GZMH: variants seen among roughly 807,000 people sequenced by gnomAD.
GZMH encodes granzyme H.
In GZMH, 24 loss-of-function variants were observed where a neutral mutation model predicts 20.7. That is an observed-to-expected ratio of 1.16 (90% CI 0.84 to 1.63). The LOEUF (loss-of-function observed/expected upper bound fraction) is 1.63, where lower values mean the gene tolerates loss of function less well. Ranked by LOEUF, GZMH falls within the 40% of genes most tolerant of loss-of-function variation. The probability of loss-of-function intolerance (pLI) is 0.00; values close to 1 mark genes in which losing one functional copy is unlikely to be tolerated. For missense variants in GZMH, 344 were observed against 302.7 expected (o/e 1.14, Z -1.01); for synonymous variants, 119 against 116.1 (o/e 1.02, Z -0.16).
Position 24,607,701 on chromosome 14 carries a change from G to A in GZMH, c.250C>T (p.Arg84Trp), listed in dbSNP as rs200477141. 3.5e-5 allele frequency: 56 copies of A among 1,613,852 alleles called. No individual in the cohort carries two copies. The highest frequency in any genetic ancestry group is 4.4e-5 in the Non-Finnish European group (52 of 1,179,910). ...TTCACAGGGATAAACTGCTGGGTCCGCTCCTGTTCCTTGATATTGTGGGCC... is the reference window on the plus strand; with the variant it reads ...TTCACAGGGATAAACTGCTGGGTCCACTCCTGTTCCTTGATATTGTGGGCC... ...LGAHNIKEQE[R>W]TQQFIPVKRP... Residue 84 changes from arginine to tryptophan, a missense_variant, in exon 3 of 5, where the codon CGG (arginine) becomes TGG (tryptophan). Arg to Trp is a moderately radical substitution (Grantham distance 101). Transcript: ENST00000216338.
At chr14:24,607,117 T>C in intron 4 of GZMH, 32 bp downstream of exon 4, 1 of 1,595,526 alleles carries the variant, frequency 6.3e-7, no homozygotes, top group Non-Finnish European at 8.6e-7. Flanking sequence ...TCTCTCCCTG[T>C]GGTCTTTCTG....
rs151262490 is a variant in GZMH, at chr14:24,607,288, C to T, written c.458G>A (p.Ser153Asn). 362 of 1,614,088 alleles carry T rather than the reference C, an allele frequency of 2.2e-4. 3 individuals carry two copies. In the East Asian group the frequency reaches 6.7e-3, roughly 30 times the overall value. ...TTCCTGCAGTGTGGTTGCTAAAGTG[C>T]TCATTGAGACATAACCCCAGCCAGC... ...SVAGWGYVSM[S>N]TLATTLQEVL... is the part of the protein sequence containing the mutation. The change falls in exon 4 of 5, where the codon AGC (serine) becomes AAC (asparagine). Residue 153 changes from serine to asparagine, a missense_variant. Coordinates refer to ENST00000216338, the MANE Select transcript of GZMH (RefSeq NM_033423.5).
At chr14:24,609,034 A>G (rs1241998170) in intron 1 of GZMH, among the ~76,000 whole-genome samples, 2 of 152,254 alleles carry the variant, frequency 1.3e-5, no homozygotes, top group African/African-American at 4.8e-5. Flanking sequence ...AAGGAAGTGG[A>G]GAAATCAACT....
chr14:24,607,583 A>G, intron 3 of GZMH, 29 bp downstream of exon 3: 1 of 1,612,184 alleles, frequency 6.2e-7, no homozygotes, highest in Non-Finnish European at 8.5e-7. Flanking sequence ...TGGACCAAGA[A>G]GAGCAAGAGT....
At chr14:24,606,890 T>C in intron 4 of GZMH, 144 bp from the exon 5 acceptor site, 1 of 810,582 alleles carries the variant, frequency 1.2e-6, no homozygotes, top group Non-Finnish European at 2.0e-6. Flanking sequence ...CTGGCTGTGC[T>C]TTCTGGCTCT....
Position 24,608,283 on chromosome 14 carries a change from G to C in GZMH, c.185C>G (p.Ala62Gly), listed in dbSNP as rs755502470. The C allele has an allele frequency of 1.4e-5, 23 of 1,614,072 alleles. No homozygotes were observed. The highest frequency in any genetic ancestry group is 1.9e-5 in the Non-Finnish European group (22 of 1,180,012). Reference sequence around the variant, plus strand: ...TCCTTACCTTCCCTGGCAGTGAGCAGCTGTCAGCACAAAGTCCTTTCTCAC... The same window carrying C: ...TCCTTACCTTCCCTGGCAGTGAGCACCTGTCAGCACAAAGTCCTTTCTCAC... ...ILVRKDFVLT[A>G]AHCQGSSINV... is the part of the protein sequence containing the mutation. Residue 62 changes from alanine to glycine, a missense_variant, in exon 2 of 5, where the codon GCT (alanine) becomes GGT (glycine). Transcript: ENST00000216338.
At chr14:24,607,038 C>G in intron 4 of GZMH, 111 bp downstream of exon 4, 1 of 1,156,372 alleles carries the variant, frequency 8.6e-7, no homozygotes. Context: ...GGGACACAGG[C>G]TGCCCAAGCT....
Position 24,606,761 on chromosome 14 carries a change from A to G in GZMH, c.598-15T>C, listed in dbSNP as rs906642011. On this transcript the variant is annotated splice_polypyrimidine_tract_variant and intron_variant, in intron 4 of 4. Transcript: ENST00000216338. The stretch of plus-strand genomic sequence containing the variant: ...CCGGAGTCCCCCTGTGAACAGAGAG[A>G]GGAAAGACTGAGCTAGTGTTCCCTG... 6.2e-6 allele frequency: 10 copies of G among 1,610,350 alleles called. No homozygotes were observed. Among genetic ancestry groups the G allele is most frequent in the East Asian group, 2.2e-5 (1 of 44,876 alleles).
intron 2 of GZMH, 126 bp from the exon 3 acceptor site, chr14:24,607,873 G>A: frequency 7.3e-7 from 1 of 1,373,520 alleles, no homozygotes; most frequent in South Asian, 1.3e-5. Context: ...GGGACAGGAG[G>A]GCTCCAGGGC....
chr14:24,606,813 T>C (rs1227226532), intron 4 of GZMH, 67 bp from the exon 5 acceptor site: 4 of 1,454,080 alleles, frequency 2.8e-6, no homozygotes, highest in Non-Finnish European at 3.8e-6. Context: ...TTATGGATTT[T>C]GTGTGACATC....
Position 24,608,408 on chromosome 14 carries a change from C to T in GZMH, c.60G>A (p.Glu20=), listed in dbSNP as rs779993240. The T allele has an allele frequency of 2.5e-6, 4 of 1,613,818 alleles. No homozygotes were observed. The highest frequency in any genetic ancestry group is 3.4e-6 in the Non-Finnish European group (4 of 1,179,906). Residue 20 remains glutamate, a synonymous_variant, in exon 2 of 5, where the codon GAG becomes GAA. Transcript: ENST00000216338. ...GCTTGGCCTCATGGCCCCCGATGAT[C>T]TCCTCTGAAAGGAAAGACTGGAAGA... The part of the protein sequence containing the change: ...FLLTPGAGTE[E]IIGGHEAKPH...
At position 24,607,380 on chromosome 14, in the gene GZMH, T is replaced by C. The variant is rs763895238; in HGVS notation, c.366A>G (p.Thr122=). The change falls in exon 4 of 5, where the codon ACA becomes ACG. Residue 122 remains threonine, a synonymous_variant. Coordinates refer to ENST00000216338, the MANE Select transcript of GZMH (RefSeq NM_033423.5). ...TAGGTAGCCTGAGAGGCCGCACAGC[T>C]GTGGTCCACTTGGCCTTTCTCTCCA... is the stretch of plus-strand genomic sequence containing the variant. ...LQLERKAKWT[T]AVRPLRLPSS... 1.7e-5 allele frequency: 28 copies of C among 1,603,356 alleles called. No homozygotes were observed. The South Asian group carries it at 2.5e-4, about 15-fold the overall frequency.
At position 24,606,705 on chromosome 14, in the gene GZMH, T is replaced by C. The variant is rs1307981334; in HGVS notation, c.639A>G (p.Gln213=). 4.3e-6 allele frequency: 7 copies of C among 1,613,682 alleles called. No homozygotes were observed. In the Admixed American group the frequency reaches 1.0e-4, roughly 23 times the overall value. The change falls in exon 5 of 5, where the codon CAA becomes CAG. Residue 213 remains glutamine (Q), a synonymous_variant. Coordinates refer to ENST00000216338, the MANE Select transcript of GZMH (RefSeq NM_033423.5). ...TTTTGTTTCCATAGGAGAGAATACC[T>C]TGGGCTACGTCCTTACACACGAGGG... is the stretch of plus-strand genomic sequence containing the variant. ...GGPLVCKDVA[Q]GILSYGNKKG...
chr14:24,607,174 G>T lies in GZMH; in HGVS notation c.572C>A (p.Pro191Gln). ...SRATEICVGD[P>Q]KKTQTGFKGD... ...CTTGAAACCGGTCTGTGTCTTCTTT[G>T]GATCCCCCACACAAATCTCAGTGGC... Residue 191 changes from proline (P) to glutamine (Q), a missense_variant, in exon 4 of 5, where the codon CCA (proline) becomes CAA (glutamine). Transcript: ENST00000216338. The T allele has an allele frequency of 1.2e-6, 2 of 1,613,632 alleles. No individual in the cohort carries two copies. The highest frequency in any genetic ancestry group is 1.7e-6 in the Non-Finnish European group (2 of 1,179,724).
At chr14:24,609,463 T>G in intron 1 of GZMH, 96 bp downstream of exon 1, 1 of 693,648 alleles carries the variant, frequency 1.4e-6, no homozygotes, top group Non-Finnish European at 2.4e-6. Flanking sequence ...GAATGGGAGG[T>G]GGGCTCAGAT....
chr14:24,608,128 C>T, intron 2 of GZMH, 137 bp downstream of exon 2: 1 of 903,764 alleles, frequency 1.1e-6, no homozygotes, highest in African/African-American at 1.6e-5. Context: ...AGTCCTATTC[C>T]CAGGTGGCTG....
intron 1 of GZMH, among the ~76,000 whole-genome samples, chr14:24,609,235 G>T (rs2066894207): frequency 6.6e-6 from 1 of 152,182 alleles, no homozygotes; most frequent in South Asian, 2.1e-4. Context: ...TGGTGTCTGA[G>T]CTCCTCTTTC....
At chr14:24,609,506 C>T in intron 1 of GZMH, 53 bp downstream of exon 1, 1 of 1,244,894 alleles carries the variant, frequency 8.0e-7, no homozygotes, top group South Asian at 1.4e-5. Context: ...CTCATGGGTA[C>T]AGGGTATCTT....
intron 3 of GZMH, 92 bp downstream of exon 3, chr14:24,607,520 G>A (rs745786900): frequency 8.7e-6 from 14 of 1,605,700 alleles, no homozygotes; most frequent in Non-Finnish European, 1.1e-5. Context: ...CTGACCAAGA[G>A]GTCAGGATGG....
Sources: gnomAD v4.1 joint callset for allele counts (sites outside exome capture counted in the v4.1 genomes callset) on GRCh38, gnomAD v4.1.1 for gene constraint, MANE v1.5 for transcripts, NCBI Gene and HGNC (gene_info 2026-07-23, HGNC 2026-07-21) for gene names.